Variants in DPP8 observed in about 807,000 individuals in gnomAD.
The protein encoded by DPP8 is DPP VIII.
A neutral mutation model predicts 107.5 loss-of-function variants in DPP8; 31 were observed. That is an observed-to-expected ratio of 0.29 (90% CI 0.22 to 0.39). The LOEUF is 0.39. Ranked by LOEUF, DPP8 falls within the 10% of genes least tolerant of loss-of-function variation. The pLI, the probability that DPP8 is intolerant of heterozygous loss-of-function variation, is 1.00. For synonymous variants in DPP8, 381 were observed against 356.6 expected (o/e 1.07, Z -0.77); for missense variants, 842 against 1,076.1 (o/e 0.78, Z 3.04).
chr15:65,484,650 T>TA (rs1290094744), intron 8 of DPP8, among the ~76,000 whole-genome samples: 1 of 133,278 alleles, frequency 7.5e-6, no homozygotes, highest in Non-Finnish European at 1.6e-5. Flanking sequence ...CCTTGGCTCT[T>TA]AACTCAAAAA....
intron 19 of DPP8, among the ~76,000 whole-genome samples, chr15:65,448,901 T>TCTAAA (rs1428973417): frequency 2.3e-5 from 2 of 86,166 alleles, no homozygotes; most frequent in African/African-American, 9.5e-5. Context: ...TATATATATA[T>TCTAAA]ATATATATAT....
intron 12 of DPP8, among the ~76,000 whole-genome samples, chr15:65,471,513 A>AT (rs35149810): frequency 0.28 from 34,815 of 125,196 alleles, 5,433 homozygotes; most frequent in East Asian, 0.75. Context: ...TAACCAGCCT[A>AT]TTTTTTTTTT....
chr15:65,495,468 G>A (rs1385251093), intron 5 of DPP8, among the ~76,000 whole-genome samples: 1 of 151,606 alleles, frequency 6.6e-6, no homozygotes, highest in African/African-American at 2.4e-5. Flanking sequence ...ACCAGGTGTG[G>A]TGGTGTGCAC....
intron 7 of DPP8, among the ~76,000 whole-genome samples, chr15:65,485,576 A>G (rs1275940173): frequency 6.6e-6 from 1 of 151,628 alleles, no homozygotes; most frequent in African/African-American, 2.4e-5. Flanking sequence ...AAAAGAAAGA[A>G]AGAGACATAA....
intron 2 of DPP8, among the ~76,000 whole-genome samples, chr15:65,508,837 G>C (rs1374807026): frequency 1.3e-5 from 2 of 151,866 alleles, no homozygotes; most frequent in South Asian, 2.1e-4. Context: ...GGGCAACAGG[G>C]GCAAAACTCC....
chr15:65,496,545 T>C (rs1468867834), intron 5 of DPP8, among the ~76,000 whole-genome samples: 1 of 152,240 alleles, frequency 6.6e-6, no homozygotes, highest in African/African-American at 2.4e-5. Flanking sequence ...AGTATTATCA[T>C]AGCCACTTCA....
rs777774367 is a variant in DPP8 at position 65,507,328 on chromosome 15, G to T, written c.287C>A (p.Thr96Lys). 6.2e-7 allele frequency: 1 copy of T among 1,610,466 alleles called. No homozygotes were observed. Among genetic ancestry groups the T allele is most frequent in the South Asian group, 1.1e-5 (1 of 90,926 alleles). ...TTTGGGAATTTCAGAATAAAACAGT[G>T]TATTTTCTCTGTTCTCACCAGACAT... ...LAMSGENRENTLFYSEIPKTI... is the reference protein window; with the variant it reads ...LAMSGENRENKLFYSEIPKTI... Residue 96 changes from threonine to lysine, a missense_variant, in exon 3 of 20, where the codon ACA becomes AAA. Around this residue, in one of 2 missense-constraint regions of DPP8, gnomAD observed 663 missense variants for 758.0 expected, o/e 0.87. Transcript: ENST00000300141.
At chr15:65,481,642 T>C (rs756925089) in intron 8 of DPP8, 27 bp from the exon 9 acceptor site, 3 of 1,226,224 alleles carry the variant, frequency 2.4e-6, no homozygotes, top group Non-Finnish European at 3.4e-6. Context: ...AAAAAGAATC[T>C]AGTTATAGAA....
chr15:65,464,857 C>G (rs1208057311), intron 14 of DPP8, among the ~76,000 whole-genome samples: 1 of 151,950 alleles, frequency 6.6e-6, no homozygotes, highest in Non-Finnish European at 1.5e-5. Context: ...TTGATTAAAC[C>G]ATATATCTGG....
In DPP8 at chr15:65,507,472, T is replaced by C. The variant is rs536453409; in HGVS notation, c.260-117A>G. The C allele has an allele frequency of 5.2e-6, 3 of 574,400 alleles. No individual in the cohort carries two copies. The South Asian group carries it at 7.0e-5, about 13-fold the overall frequency. 35.6% of individuals were successfully genotyped at this position (574,400 alleles called of 1,614,324 possible). On this transcript the variant is annotated intron_variant, in intron 2 of 19. Coordinates refer to ENST00000300141, the MANE Select transcript of DPP8 (RefSeq NM_130434.5). Reference sequence around the variant, plus strand: ...GCAATATTTTGCACTCTATGGGATATATAATGAATGTTAACAAGTAGAATG... The same window carrying C: ...GCAATATTTTGCACTCTATGGGATACATAATGAATGTTAACAAGTAGAATG...
At chr15:65,507,733 G>C (rs770539246) in intron 2 of DPP8, among the ~76,000 whole-genome samples, 3 of 150,966 alleles carry the variant, frequency 2.0e-5, no homozygotes, top group Non-Finnish European at 2.9e-5. Context: ...TCAGATCTTA[G>C]TCCCTCTCAA....
At chr15:65,481,427 C>T in intron 9 of DPP8, 88 bp downstream of exon 9, 4 of 902,578 alleles carry the variant, frequency 4.4e-6, no homozygotes, top group Non-Finnish European at 7.0e-6. Context: ...AAGGCAGCTC[C>T]AACTACAAGG....
At chr15:65,515,749 C>G in intron 1 of DPP8, 1 of 1,497,126 alleles carries the variant, frequency 6.7e-7, no homozygotes. Context: ...TCTGCTCATC[C>G]TGCTCTTCTC....
chr15:65,486,144 C>A (rs1200119185), intron 7 of DPP8, among the ~76,000 whole-genome samples: 2 of 149,900 alleles, frequency 1.3e-5, no homozygotes, highest in Non-Finnish European at 3.0e-5. Context: ...TGGCTCAGGC[C>A]TGTAACCCCA....
chr15:65,493,798 C>T (rs1470373249), intron 5 of DPP8, among the ~76,000 whole-genome samples: 1 of 152,048 alleles, frequency 6.6e-6, no homozygotes, highest in Non-Finnish European at 1.5e-5. Flanking sequence ...TTTTAAATTC[C>T]TCTATCACCA....
chr15:65,504,221 G>A (rs997302365), intron 3 of DPP8, among the ~76,000 whole-genome samples: 1 of 152,166 alleles, frequency 6.6e-6, no homozygotes, highest in Admixed American at 6.5e-5. Context: ...AAATCATCCG[G>A]GTGTGGTGGC....
intron 1 of DPP8, chr15:65,516,474 C>T (rs1429846310): frequency 6.6e-6 from 1 of 151,448 alleles, no homozygotes; most frequent in Non-Finnish European, 1.5e-5. Context: ...ATCTGTTACT[C>T]TATAAGTTTT....
chr15:65,465,627 C>T (rs1476106884), intron 14 of DPP8, among the ~76,000 whole-genome samples: 1 of 148,228 alleles, frequency 6.7e-6, no homozygotes, highest in Non-Finnish European at 1.5e-5. Flanking sequence ...ACAATCTTGG[C>T]TCACTGCAAC....
intron 7 of DPP8, among the ~76,000 whole-genome samples, chr15:65,485,482 T>A (rs1488333959): frequency 7.3e-6 from 1 of 137,484 alleles, no homozygotes; most frequent in Non-Finnish European, 1.5e-5. Context: ...AGGTGGAGAA[T>A]GCAGTGAGCT....
Sources: gnomAD v4.1 joint callset for allele counts (sites outside exome capture counted in the v4.1 genomes callset) on GRCh38, gnomAD v4.1.1 for gene constraint, gnomAD v4.1.1 regional missense constraint, MANE v1.5 for transcripts, NCBI Gene and HGNC (gene_info 2026-07-23, HGNC 2026-07-21) for gene names.